The following CUBN variants were observed in gnomAD, a reference collection of about 807,000 sequenced individuals.
CUBN encodes the protein 460 kDa receptor.
Under a neutral mutation model 405.3 loss-of-function variants are expected in CUBN, and 282 were observed. That is an observed-to-expected ratio of 0.70 (90% confidence interval 0.63 to 0.77). CUBN has a LOEUF of 0.77. Among genes scored for constraint, CUBN ranks in the 30% least tolerant of loss-of-function variants. CUBN has a pLI of 0.00. For missense variants in CUBN, 4,514 were observed against 4,475.2 expected, an observed-to-expected ratio of 1.01 and a Z score of -0.25; for synonymous variants, 1,684 against 1,617.0, an observed-to-expected ratio of 1.04 and a Z score of -0.99.
intron 60 of CUBN, among the ~76,000 whole-genome samples, chr10:16,842,024 C>A (rs990321233): frequency 5.3e-5 from 8 of 150,050 alleles, no homozygotes; most frequent in Non-Finnish European, 1.2e-4. Context: ...CAACTGTTAC[C>A]TTCTTCTATA....
intron 36 of CUBN, among the ~76,000 whole-genome samples, chr10:16,946,058 C>T (rs937385982): frequency 6.6e-6 from 1 of 152,192 alleles, no homozygotes. Context: ...GTCCTCAAAA[C>T]AATCCTCTTC....
intron 56 of CUBN, among the ~76,000 whole-genome samples, chr10:16,887,911 C>T (rs1840868792): frequency 6.6e-6 from 1 of 152,110 alleles, no homozygotes; most frequent in Admixed American, 6.5e-5. Flanking sequence ...AGAATAAAAT[C>T]TTGTCATTTG....
At chr10:17,043,776 C>A in intron 26 of CUBN, 51 bp downstream of exon 26, 1 of 1,581,910 alleles carries the variant, frequency 6.3e-7, no homozygotes, top group Middle Eastern at 1.7e-4. Flanking sequence ...TGCTGGTATT[C>A]ACACTTACTC....
intron 50 of CUBN, among the ~76,000 whole-genome samples, chr10:16,904,981 G>T (rs1334360619): frequency 6.6e-6 from 1 of 152,144 alleles, no homozygotes; most frequent in Non-Finnish European, 1.5e-5. Context: ...CCCTTGGCCC[G>T]TGGGTACAGG....
chr10:16,952,749 G>A (rs1842953206), intron 32 of CUBN, among the ~76,000 whole-genome samples: 1 of 152,042 alleles, frequency 6.6e-6, no homozygotes, highest in African/African-American at 2.4e-5. Flanking sequence ...CTTTTTTTCA[G>A]GAAAATAAAT....
In CUBN at chr10:17,063,159, G is replaced by T. The variant is rs534832873; in HGVS notation, c.3139+2349C>A. Among the ~76,000 whole-genome samples, 5 of 152,220 alleles carry T rather than the reference G, an allele frequency of 3.3e-5. No individual in the cohort carries two copies. The East Asian group carries it at 5.8e-4, about 18-fold the overall frequency. On this transcript the variant is annotated intron_variant, in intron 22 of 66. Coordinates refer to ENST00000377833, the MANE Select transcript of CUBN (RefSeq NM_001081.4). ...CCCCCCTCAGCAATGCATGAGAGCCGATCTCTCAGGTCTTGATCTATGGGA... is the reference window on the plus strand; with the variant it reads ...CCCCCCTCAGCAATGCATGAGAGCCTATCTCTCAGGTCTTGATCTATGGGA...
In CUBN at chr10:16,902,284, G is replaced by A. The variant is rs1371775660; in HGVS notation, c.8063-825C>T. Among the ~76,000 whole-genome samples the A allele has an allele frequency of 3.8e-5, 5 of 131,330 alleles. No individual in the cohort carries two copies. The East Asian group carries it at 1.1e-3, about 28-fold the overall frequency. 86.2% of individuals were successfully genotyped at this position (131,330 alleles called of 152,430 possible). A position where few individuals can be genotyped will look rare whatever the true frequency, so the allele number is the denominator to read the frequency against. On this transcript the variant is annotated intron_variant, in intron 51 of 66. Transcript: ENST00000377833. ...GTATATATATATTTGTATATATATAGTACATATATATTTGTGTATATATAG... is the reference window on the plus strand; with the variant it reads ...GTATATATATATTTGTATATATATAATACATATATATTTGTGTATATATAG...
chr10:17,129,684 G>A lies in CUBN; in HGVS notation c.82C>T (p.Leu28Phe), dbSNP rs1172115392. ...FAEVNGEAGELELQRQKRSIN... is the reference protein window; with the variant it reads ...FAEVNGEAGEFELQRQKRSIN... ...CTTCTTTTTTGTCTCTGCAGCTCAAGTTCTCCAGCTTCGCCATTTACTTCA... is the reference window on the plus strand; with the variant it reads ...CTTCTTTTTTGTCTCTGCAGCTCAAATTCTCCAGCTTCGCCATTTACTTCA... Residue 28 changes from leucine (L) to phenylalanine (F), a missense_variant, in exon 1 of 67, where the codon CTT becomes TTT. Leu to Phe is a conservative substitution (Grantham distance 22, BLOSUM62 0). Coordinates refer to ENST00000377833, the MANE Select transcript of CUBN (RefSeq NM_001081.4). 6.2e-7 allele frequency: 1 copy of A among 1,614,088 alleles called. No homozygotes were observed. Among genetic ancestry groups the A allele is most frequent in the Non-Finnish European group, 8.5e-7 (1 of 1,179,980 alleles).
In CUBN at chr10:16,900,777, C is replaced by T; in HGVS notation, c.8258G>A (p.Gly2753Glu). The T allele has an allele frequency of 1.2e-6, 2 of 1,613,908 alleles. No homozygotes were observed. The highest frequency in any genetic ancestry group is 1.7e-6 in the Non-Finnish European group (2 of 1,179,916). Residue 2753 changes from glycine (G) to glutamate (E), a missense_variant, in exon 53 of 67, where the codon GGG becomes GAG. This residue lies in a region of CUBN where 1,186 missense variants were observed against 1,186.9 expected (regional missense o/e 1.00). Coordinates refer to ENST00000377833, the MANE Select transcript of CUBN (RefSeq NM_001081.4). ...AWDSVTVRNG[G>E]SPESPIIGQY... ...TCCTATGATGGGTGATTCAGGGGAC[C>T]CACCATTCCTGACAGTGACAGAGTC...
At chr10:17,014,594 T>A (rs1254005474) in intron 28 of CUBN, among the ~76,000 whole-genome samples, 1 of 152,214 alleles carries the variant, frequency 6.6e-6, no homozygotes, top group Non-Finnish European at 1.5e-5. Context: ...TAGGCCTAGA[T>A]ATTTGGCCTG....
intron 28 of CUBN, among the ~76,000 whole-genome samples, chr10:17,002,765 C>G (rs117280735): frequency 0.021 from 3,163 of 152,288 alleles, 34 homozygotes; most frequent in African/African-American, 0.027. Flanking sequence ...GCCAAAAGAG[C>G]TGTGGGATTT....
At chr10:17,120,200 C>G (rs1212779137) in intron 6 of CUBN, among the ~76,000 whole-genome samples, 1 of 152,214 alleles carries the variant, frequency 6.6e-6, no homozygotes, top group Non-Finnish European at 1.5e-5. Context: ...TAACAGAACT[C>G]AAGAAAGTAT....
At chr10:17,021,892 T>G (rs1197197215) in intron 27 of CUBN, among the ~76,000 whole-genome samples, 1 of 152,196 alleles carries the variant, frequency 6.6e-6, no homozygotes, top group African/African-American at 2.4e-5. Context: ...GTGAGTCGCC[T>G]TAAAGCACAG....
rs1381270737 is a variant in CUBN, at chr10:16,940,025, A to T, written c.5548+7T>A. 8 of 1,610,874 alleles carry T rather than the reference A, an allele frequency of 5.0e-6. No individual in the cohort carries two copies. Among genetic ancestry groups the T allele is most frequent in the Non-Finnish European group, 6.8e-6 (8 of 1,177,030 alleles). ...TGGAAGCTATCACTAAAATAGAAAC[A>T]ACTTACTCTTCATAAATGTGGCCTG... On this transcript the variant is annotated splice_region_variant and intron_variant, in intron 37 of 66. Coordinates refer to ENST00000377833, the MANE Select transcript of CUBN (RefSeq NM_001081.4).
In CUBN at chr10:17,071,821, C is replaced by G. The variant is rs778846273; in HGVS notation, c.2446+6G>C. The stretch of plus-strand genomic sequence containing the variant: ...TTAGACATTTAAAAATTATATGTTT[C>G]CTTACCGACTTGATAAACAGCTCTG... On this transcript the variant is annotated splice_donor_region_variant and intron_variant, in intron 18 of 66. Coordinates refer to ENST00000377833, the MANE Select transcript of CUBN (RefSeq NM_001081.4). 15 of 1,611,252 alleles carry G rather than the reference C, an allele frequency of 9.3e-6. No individual in the cohort carries two copies. The South Asian group carries it at 1.7e-4, about 18-fold the overall frequency.
intron 59 of CUBN, among the ~76,000 whole-genome samples, chr10:16,851,925 CCTCT>C (rs549032065): frequency 2.1e-3 from 246 of 116,572 alleles, no homozygotes; most frequent in Middle Eastern, 5.8e-3. Flanking sequence ...TCCCTCCCTC[CCTCT>C]ATCTTTCCCT....
chr10:16,875,538 C>CA (rs2131375967), intron 57 of CUBN, among the ~76,000 whole-genome samples: 1 of 152,304 alleles, frequency 6.6e-6, no homozygotes, highest in South Asian at 2.1e-4. Flanking sequence ...GCCCACCTTG[C>CA]AGGGAGCACT....
chr10:17,017,683 G>A (rs765221439), intron 28 of CUBN, among the ~76,000 whole-genome samples: 5 of 152,130 alleles, frequency 3.3e-5, no homozygotes, highest in Non-Finnish European at 7.4e-5. Flanking sequence ...CCCCTACAAT[G>A]GGGCTTTGGG....
chr10:17,049,774 T>C (rs552306687), intron 22 of CUBN, among the ~76,000 whole-genome samples: 1 of 152,326 alleles, frequency 6.6e-6, no homozygotes, highest in Non-Finnish European at 1.5e-5. Flanking sequence ...CTCTTACCCA[T>C]CATTTAAGGT....
Sources: allele counts gnomAD v4.1 joint callset (sites outside exome capture counted in the v4.1 genomes callset), GRCh38; gene constraint gnomAD v4.1.1; regional missense constraint gnomAD v4.1.1; transcripts MANE v1.5; gene names NCBI Gene and HGNC (gene_info 2026-07-23, HGNC 2026-07-21).